FAM193B: variants seen among roughly 807,000 people sequenced by gnomAD.
FAM193B encodes the protein family with sequence similarity 193 member B, also known as protein FAM193B.
In FAM193B, 27 loss-of-function variants were observed where a neutral mutation model predicts 70.7. That is an observed-to-expected ratio of 0.38 (90% confidence interval 0.28 to 0.53). FAM193B has a LOEUF of 0.53. Among genes scored for constraint, FAM193B ranks in the 20% least tolerant of loss-of-function variants. The pLI is 0.81. For missense variants in FAM193B, 1,022 were observed against 1,072.5 expected, an observed-to-expected ratio of 0.95 and a Z score of 0.66; for synonymous variants, 448 against 436.0, an observed-to-expected ratio of 1.03 and a Z score of -0.34.
chr5:177,522,517 T>A (rs1041095875), intron 7 of FAM193B, among the ~76,000 whole-genome samples: 9 of 152,060 alleles, frequency 5.9e-5, no homozygotes, highest in African/African-American at 2.2e-4. Context: ...ATTTTTTTTT[T>A]AAATAAGAGA....
intron 1 of FAM193B, among the ~76,000 whole-genome samples, chr5:177,549,596 A>G (rs536929521): frequency 6.6e-6 from 1 of 152,374 alleles, no homozygotes; most frequent in East Asian, 1.9e-4. Context: ...GAGGAAGCCG[A>G]TGCTATATCT....
chr5:177,542,172 AGT>A (rs1350183661), intron 1 of FAM193B, among the ~76,000 whole-genome samples: 1 of 152,256 alleles, frequency 6.6e-6, no homozygotes, highest in African/African-American at 2.4e-5. Context: ...TTATAAATTA[AGT>A]GTGTAATCAG....
intron 7 of FAM193B, 138 bp downstream of exon 7, chr5:177,523,819 T>TGG (rs998201033): frequency 2.3e-5 from 21 of 907,270 alleles, no homozygotes; most frequent in Non-Finnish European, 2.4e-5. Context: ...GGAGAGGGCC[T>TGG]GGGGGGGCGG....
At chr5:177,531,967 G>A in intron 5 of FAM193B, 3 of 1,286,842 alleles carry the variant, frequency 2.3e-6, no homozygotes, top group Non-Finnish European at 3.0e-6. Flanking sequence ...TGAGACTTCT[G>A]CACTGCTTCC....
chr5:177,527,397 G>C (rs1561755632), intron 5 of FAM193B, among the ~76,000 whole-genome samples: 1 of 152,222 alleles, frequency 6.6e-6, no homozygotes, highest in African/African-American at 2.4e-5. Context: ...TTTTAAGGTA[G>C]TGGCAGTAGG....
chr5:177,531,930 A>C, intron 5 of FAM193B: 1 of 1,248,344 alleles, frequency 8.0e-7, no homozygotes. Flanking sequence ...CTCTACCCTA[A>C]CCAGCGGCCC....
chr5:177,525,997 G>A (rs374531046), intron 5 of FAM193B, among the ~76,000 whole-genome samples: 5 of 152,212 alleles, frequency 3.3e-5, no homozygotes, highest in South Asian at 4.1e-4. Flanking sequence ...AAAAACCCTC[G>A]GGAAGGAGGT....
At chr5:177,531,356 T>C in intron 5 of FAM193B, 1 of 1,361,978 alleles carries the variant, frequency 7.3e-7, no homozygotes, top group Non-Finnish European at 9.8e-7. Flanking sequence ...GTGCTGTTGA[T>C]GAATTCCAGC....
chr5:177,525,109 C>T lies in FAM193B; in HGVS notation c.1372G>A (p.Glu458Lys). Residue 458 changes from glutamate to lysine, a missense_variant, in exon 6 of 9, where the codon GAG becomes AAG. Coordinates refer to ENST00000514747, the MANE Select transcript of FAM193B (RefSeq NM_001190946.3). Reference protein sequence around the residue: ...EPRPARERLLEWPDRELDRVN... With the variant: ...EPRPARERLLKWPDRELDRVN... Reference sequence around the variant, plus strand: ...CGATCCAGTTCCCGGTCGGGCCACTCCAAGAGCCTCTCCCTGGCAGGCCTT... The same window carrying T: ...CGATCCAGTTCCCGGTCGGGCCACTTCAAGAGCCTCTCCCTGGCAGGCCTT... The T allele has an allele frequency of 1.3e-6, 2 of 1,582,450 alleles. No homozygotes were observed. The highest frequency in any genetic ancestry group is 1.7e-6 in the Non-Finnish European group (2 of 1,165,380).
chr5:177,547,168 C>G (rs1329002778), intron 1 of FAM193B: 1 of 152,130 alleles, frequency 6.6e-6, no homozygotes, highest in African/African-American at 2.4e-5. Flanking sequence ...TGTAAAGTAC[C>G]TGGCCTGGGC....
Position 177,538,172 on chromosome 5 carries a change from C to A in FAM193B, c.454-65G>T. ...AAACATCGGAGCTGACCCTCTGCTG[C>A]CTCAGCTTTTCCTGAGGGAGCTCCT... On this transcript the variant is annotated intron_variant, in intron 2 of 8. Coordinates refer to ENST00000514747, the MANE Select transcript of FAM193B (RefSeq NM_001190946.3). This position sits in a 1 kb window ranked among gnomAD's most constrained non-coding sequence, Gnocchi z 4.1. 1 of 1,458,834 alleles carries A rather than the reference C, an allele frequency of 6.9e-7. No individual in the cohort carries two copies. Among genetic ancestry groups the A allele is most frequent in the Non-Finnish European group, 9.1e-7 (1 of 1,096,524 alleles). 90.4% of individuals were successfully genotyped at this position (1,458,834 alleles called of 1,614,324 possible).
chr5:177,553,003 T>C (rs112418101), intron 1 of FAM193B, among the ~76,000 whole-genome samples: 4,547 of 152,066 alleles, frequency 0.03, 262 homozygotes, highest in African/African-American at 0.1. Context: ...GAGTTCACAG[T>C]CCAGGGCAGG....
intron 1 of FAM193B, among the ~76,000 whole-genome samples, chr5:177,551,768 G>C (rs1261794770): frequency 6.6e-6 from 1 of 152,220 alleles, no homozygotes; most frequent in Non-Finnish European, 1.5e-5. Context: ...ATATGACACT[G>C]AGTTTCATCT....
intron 1 of FAM193B, chr5:177,554,003 G>A (rs543731877): frequency 3.9e-6 from 5 of 1,294,936 alleles, no homozygotes; most frequent in Non-Finnish European, 4.9e-6. Flanking sequence ...CGGAACGCCC[G>A]GAGGCGGCGG....
chr5:177,540,557 G>A (rs1303397020), intron 1 of FAM193B, among the ~76,000 whole-genome samples: 2 of 152,094 alleles, frequency 1.3e-5, no homozygotes, highest in East Asian at 1.9e-4. Flanking sequence ...TTCCATGCAC[G>A]GCTGGGCTTG....
chr5:177,550,315 T>C (rs959065373), intron 1 of FAM193B, among the ~76,000 whole-genome samples: 2 of 152,222 alleles, frequency 1.3e-5, no homozygotes, highest in African/African-American at 4.8e-5. Context: ...TAGTGCAGGC[T>C]GGGTAGGCAC....
At position 177,523,962 on chromosome 5, in the gene FAM193B, A is replaced by G. The variant is rs553079502; in HGVS notation, c.2367T>C (p.Phe789=). 202 of 1,614,044 alleles carry G rather than the reference A, an allele frequency of 1.3e-4. No homozygotes were observed. The East Asian group carries it at 3.7e-3, about 29-fold the overall frequency. The change falls in exon 7 of 9, where the codon TTT becomes TTC. Residue 789 remains phenylalanine (F), a synonymous_variant. Coordinates refer to ENST00000514747, the MANE Select transcript of FAM193B (RefSeq NM_001190946.3). The part of the protein sequence containing the change: ...MDETDREVEY[F]KRFCLDSAKQ... ...AGCAGGCAGCCCACACCTACCTCTT[A>G]AAGTACTCCACCTCTCGGTCAGTCT...
At chr5:177,533,654 A>G (rs1763814218) in intron 4 of FAM193B, among the ~76,000 whole-genome samples, 1 of 152,294 alleles carries the variant, frequency 6.6e-6, no homozygotes, top group Non-Finnish European at 1.5e-5. Context: ...AATAAGTGTC[A>G]TTATCCCCAC....
chr5:177,535,324 C>T (rs528361027), intron 4 of FAM193B, among the ~76,000 whole-genome samples: 3 of 152,324 alleles, frequency 2.0e-5, no homozygotes, highest in Non-Finnish European at 2.9e-5. Flanking sequence ...AAGTGAAAAC[C>T]GGCGGGTGGC....
Sources: gnomAD v4.1 joint callset for allele counts (sites outside exome capture counted in the v4.1 genomes callset) on GRCh38, gnomAD v4.1.1 for gene constraint, Gnocchi (gnomAD v3.1) non-coding constraint, MANE v1.5 for transcripts, NCBI Gene and HGNC (gene_info 2026-07-23, HGNC 2026-07-21) for gene names.